Variants in BRI3BP observed in about 807,000 individuals in gnomAD.
BRI3BP encodes the protein BRI3 binding protein, also known as BRI3-binding protein.
In BRI3BP, 7 loss-of-function variants were observed where a neutral mutation model predicts 15.8. The observed-to-expected ratio is 0.44, with a 90% confidence interval of 0.25 to 0.83. BRI3BP has a LOEUF of 0.83. BRI3BP is among the 40% of genes least tolerant of loss of function. The pLI, the probability that BRI3BP is intolerant of heterozygous loss-of-function variation, is 0.20. For synonymous variants in BRI3BP, 192 were observed against 163.5 expected (o/e 1.17, Z -1.33); for missense variants, 320 against 339.3 (o/e 0.94, Z 0.45).
At chr12:125,046,862 T>TTTTG in the BRI3BP span, among the ~76,000 whole-genome samples, 2 of 152,220 alleles carry the variant, frequency 1.3e-5, no homozygotes, top group Non-Finnish European at 2.9e-5. Context: ...ACAGATTCAT[T>TTTTG]TTTGTTTGTT....
intron 1 of BRI3BP, among the ~76,000 whole-genome samples, chr12:125,010,816 G>A (rs752284804): frequency 3.3e-5 from 5 of 151,436 alleles, no homozygotes; most frequent in Admixed American, 6.6e-5. Flanking sequence ...GTAGCTGCCC[G>A]GGTGTGGTGG....
rs760096555 is a variant in BRI3BP, at chr12:125,003,987, ACACACACACACACAC to A, written c.214-8546_214-8532del. On this transcript the variant is annotated intron_variant, in intron 1 of 2. Transcript: ENST00000341446. ...CACACACACACACACACACACACACACACACACACACACACAACACACAATACCATCATTACAGCT... is the reference window on the plus strand; with the variant it reads ...CACACACACACACACACACACACACAAACACACAATACCATCATTACAGCT... Among the ~76,000 whole-genome samples, 188 of 149,828 alleles carry A rather than the reference ACACACACACACACAC, an allele frequency of 1.3e-3. 1 individual carries two copies. The highest frequency in any genetic ancestry group is 3.0e-3 in the African/African-American group (122 of 40,580).
In BRI3BP at chr12:125,026,269, A is replaced by G. The variant is rs1374440965; in HGVS notation, c.*839A>G. The G allele has an allele frequency of 1.3e-5, 2 of 151,614 alleles. No homozygotes were observed. The highest frequency in any genetic ancestry group is 2.9e-5 in the Non-Finnish European group (2 of 67,982). The allele number at this position is 151,614 out of a possible 1,614,324, so 9.4% of individuals were successfully genotyped here. ...GCTCCAGAATCTACTGCATGTCCCA[A>G]TTTGCAGTTTGCTCACTAGGGCTAT... On this transcript the variant is annotated 3_prime_UTR_variant, in exon 3 of 3. Coordinates refer to ENST00000341446, the MANE Select transcript of BRI3BP (RefSeq NM_080626.6).
At chr12:124,994,423 G>A (rs571809299) in intron 1 of BRI3BP, among the ~76,000 whole-genome samples, 1 of 152,214 alleles carries the variant, frequency 6.6e-6, no homozygotes, top group Non-Finnish European at 1.5e-5. Flanking sequence ...TCCTAGCCTC[G>A]CATCCCGACC....
chr12:125,019,504 C>T (rs573308540), intron 2 of BRI3BP, among the ~76,000 whole-genome samples: 5 of 152,142 alleles, frequency 3.3e-5, no homozygotes, highest in South Asian at 2.1e-4. Flanking sequence ...TCTCTTCTCC[C>T]GTAACATGTC....
downstream of BRI3BP, among the ~76,000 whole-genome samples, chr12:125,035,755 C>A (rs966376176): frequency 6.6e-6 from 1 of 152,024 alleles, no homozygotes; most frequent in Non-Finnish European, 1.5e-5. Flanking sequence ...GTATGCCCGG[C>A]CTGTCAGGTG....
At chr12:125,048,401 A>G in the BRI3BP span, among the ~76,000 whole-genome samples, 3 of 152,210 alleles carry the variant, frequency 2.0e-5, no homozygotes, top group Non-Finnish European at 4.4e-5. Context: ...CTAAAGAGGC[A>G]AGCTGATAGT....
chr12:125,048,749 G>A, the BRI3BP span, among the ~76,000 whole-genome samples: 22 of 151,854 alleles, frequency 1.4e-4, no homozygotes, highest in Middle Eastern at 6.8e-3. Flanking sequence ...AATTCGGTTT[G>A]GACCCATTGG....
chr12:125,039,104 C>A, the BRI3BP span, among the ~76,000 whole-genome samples: 280 of 152,044 alleles, frequency 1.8e-3, 1 homozygote, highest in African/African-American at 6.1e-3. Flanking sequence ...AATAAAAAAA[C>A]CCCAAAACCA....
At chr12:125,024,488 A>G (rs1358488721) in intron 2 of BRI3BP, among the ~76,000 whole-genome samples, 1 of 152,208 alleles carries the variant, frequency 6.6e-6, no homozygotes, top group African/African-American at 2.4e-5. Flanking sequence ...TTAAAACTCA[A>G]CATGGCAGGT....
chr12:125,049,402 A>G, the BRI3BP span, among the ~76,000 whole-genome samples: 1 of 152,128 alleles, frequency 6.6e-6, no homozygotes. Context: ...CTAGGGGCTC[A>G]TCTGCGTATT....
chr12:125,025,580 A>G lies in BRI3BP; in HGVS notation c.*150A>G. On this transcript the variant is annotated 3_prime_UTR_variant, in exon 3 of 3. Transcript: ENST00000341446. The stretch of plus-strand genomic sequence containing the variant: ...GTAGGGCTATTTCCACCCACCCGGC[A>G]GCTCTTAGGACACATTCCCAGAAGA... The G allele has an allele frequency of 1.3e-6, 1 of 774,762 alleles. No individual in the cohort carries two copies. The highest frequency in any genetic ancestry group is 2.0e-5 in the South Asian group (1 of 49,498). 48.0% of individuals were successfully genotyped at this position (774,762 alleles called of 1,614,324 possible).
In BRI3BP at chr12:125,016,825, C is replaced by CTTTTTTTTTTTTTTTTTT. The variant is rs58016016; in HGVS notation, c.316+4199_316+4216dup. Among the ~76,000 whole-genome samples the CTTTTTTTTTTTTTTTTTT allele has an allele frequency of 4.8e-4, 19 of 39,808 alleles. 6 individuals carry two copies. Among genetic ancestry groups the CTTTTTTTTTTTTTTTTTT allele is most frequent in the Non-Finnish European group, 6.3e-4 (14 of 22,194 alleles). The allele number at this position is 39,808 out of a possible 152,430, so 26.1% of individuals were successfully genotyped here. ...ACGGGCATGAGCCACTGCGCCCAGCCTTTTTTTTTTTTTTTTTTTTTTTTT... is the reference window on the plus strand; with the variant it reads ...ACGGGCATGAGCCACTGCGCCCAGCCTTTTTTTTTTTTTTTTTTTTTTTTTTTTTTTTTTTTTTTTTTT... On this transcript the variant is annotated intron_variant, in intron 2 of 2. Transcript: ENST00000341446.
At chr12:125,047,846 GCCA>G in the BRI3BP span, among the ~76,000 whole-genome samples, 1 of 151,862 alleles carries the variant, frequency 6.6e-6, no homozygotes, top group Non-Finnish European at 1.5e-5. Flanking sequence ...ACAGGCGCAT[GCCA>G]CCACATCTGG....
At chr12:125,006,935 A>T (rs887408920) in intron 1 of BRI3BP, among the ~76,000 whole-genome samples, 1 of 152,186 alleles carries the variant, frequency 6.6e-6, no homozygotes, top group Admixed American at 6.6e-5. Flanking sequence ...GCGGTGGGTC[A>T]CGCCTGTAAT....
intron 2 of BRI3BP, among the ~76,000 whole-genome samples, chr12:125,016,825 C>CTTTTTT (rs58016016): frequency 7.5e-5 from 3 of 39,808 alleles, no homozygotes; most frequent in African/African-American, 2.9e-4. Flanking sequence ...TGCGCCCAGC[C>CTTTTTT]TTTTTTTTTT....
At chr12:125,016,109 T>C (rs1594534453) in intron 2 of BRI3BP, among the ~76,000 whole-genome samples, 1 of 152,182 alleles carries the variant, frequency 6.6e-6, no homozygotes, top group Non-Finnish European at 1.5e-5. Context: ...CCACGAGCCC[T>C]GAATGCCTGC....
chr12:125,045,804 A>G, the BRI3BP span, among the ~76,000 whole-genome samples: 3 of 152,170 alleles, frequency 2.0e-5, no homozygotes, highest in Non-Finnish European at 4.4e-5. Flanking sequence ...AATTTTTCTC[A>G]AAGGGTTTTA....
chr12:124,995,793 A>T (rs1955035646), intron 1 of BRI3BP, among the ~76,000 whole-genome samples: 1 of 152,232 alleles, frequency 6.6e-6, no homozygotes, highest in Non-Finnish European at 1.5e-5. Flanking sequence ...CAGAGCCAGG[A>T]TGTGAACCTA....
Sources: allele counts gnomAD v4.1 joint callset (sites outside exome capture counted in the v4.1 genomes callset), GRCh38; gene constraint gnomAD v4.1.1; transcripts MANE v1.5; gene names NCBI Gene and HGNC (gene_info 2026-07-23, HGNC 2026-07-21).